The following STX18 variants were observed in gnomAD, a reference collection of about 807,000 sequenced individuals.
STX18 encodes the protein syntaxin 18.
Under a neutral mutation model 50.1 loss-of-function variants are expected in STX18, and 40 were observed. The observed-to-expected ratio is 0.80, with a 90% CI of 0.62 to 1.04. The LOEUF is 1.04. STX18 is among the 50% of genes least tolerant of loss of function. The pLI, the probability that STX18 is intolerant of heterozygous loss-of-function variation, is 0.00. For missense variants in STX18, 410 were observed against 415.8 expected, an observed-to-expected ratio of 0.99 and a Z score of 0.12; for synonymous variants, 158 against 151.8, an observed-to-expected ratio of 1.04 and a Z score of -0.30.
chr4:4,435,818 T>C (rs746096471), intron 6 of STX18, among the ~76,000 whole-genome samples: 6 of 152,278 alleles, frequency 3.9e-5, no homozygotes, highest in African/African-American at 1.4e-4. Context: ...GCATCCTCCA[T>C]TGAAGCATGT....
intron 1 of STX18, among the ~76,000 whole-genome samples, chr4:4,490,393 C>T (rs1016310219): frequency 4.6e-5 from 7 of 152,108 alleles, no homozygotes. Context: ...TGCCGATTTG[C>T]AATTATGAGG....
intron 7 of STX18, among the ~76,000 whole-genome samples, chr4:4,432,194 C>G (rs1725551914): frequency 6.6e-6 from 1 of 152,194 alleles, no homozygotes; most frequent in African/African-American, 2.4e-5. Flanking sequence ...TCAGGAAAGT[C>G]AGGGCTAATG....
chr4:4,484,703 G>A (rs1016499681), intron 1 of STX18, among the ~76,000 whole-genome samples: 10 of 152,086 alleles, frequency 6.6e-5, no homozygotes, highest in Non-Finnish European at 1.3e-4. Context: ...AACTACTGCC[G>A]TCTAAAAACA....
At chr4:4,457,622 G>C in intron 3 of STX18, 122 bp from the exon 4 acceptor site, 2 of 715,080 alleles carry the variant, frequency 2.8e-6, no homozygotes, top group Admixed American at 2.9e-5. Context: ...TATAAAACAA[G>C]TCTTGTGCCA....
At chr4:4,518,692 T>G (rs1231340074) in intron 1 of STX18, among the ~76,000 whole-genome samples, 1 of 152,202 alleles carries the variant, frequency 6.6e-6, no homozygotes, top group East Asian at 1.9e-4. Context: ...TTCTTTAATT[T>G]CATTTCCAAA....
At chr4:4,509,102 T>C (rs1560201058) in intron 1 of STX18, among the ~76,000 whole-genome samples, 1 of 152,210 alleles carries the variant, frequency 6.6e-6, no homozygotes, top group South Asian at 2.1e-4. Flanking sequence ...CTAGGTCAAA[T>C]GGTATTTCTG....
At chr4:4,439,776 T>C (rs1726011394) in intron 5 of STX18, among the ~76,000 whole-genome samples, 1 of 152,094 alleles carries the variant, frequency 6.6e-6, no homozygotes, top group South Asian at 2.1e-4. Context: ...GGCATTCCCC[T>C]GTTTCTTCCC....
chr4:4,541,968 G>A lies in STX18; in HGVS notation c.-4C>T, dbSNP rs749540078. 6.9e-6 allele frequency: 11 copies of A among 1,599,796 alleles called. No homozygotes were observed. The highest frequency in any genetic ancestry group is 1.3e-5 in the African/African-American group (1 of 74,374). On this transcript the variant is annotated 5_prime_UTR_variant, in exon 1 of 11. Coordinates refer to ENST00000306200, the MANE Select transcript of STX18 (RefSeq NM_016930.4). ...GCAGCGTGATGTCCACCGCCATAGC[G>A]ACCCGCACCCTCAGCCCCACACTAG...
At chr4:4,483,059 C>T (rs1465184565) in intron 1 of STX18, among the ~76,000 whole-genome samples, 1 of 152,088 alleles carries the variant, frequency 6.6e-6, no homozygotes, top group South Asian at 2.1e-4. Flanking sequence ...TTTTCTAGAT[C>T]CAACCTTCTT....
intron 2 of STX18, among the ~76,000 whole-genome samples, chr4:4,465,058 T>C (rs1242510889): frequency 1.3e-5 from 2 of 152,222 alleles, no homozygotes; most frequent in Admixed American, 6.5e-5. Flanking sequence ...CTTTTTGATG[T>C]GGGCATTTAG....
chr4:4,427,771 T>C (rs1459042063), intron 7 of STX18, among the ~76,000 whole-genome samples: 1 of 152,216 alleles, frequency 6.6e-6, no homozygotes, highest in African/African-American at 2.4e-5. Context: ...CTCTTCGTAA[T>C]TGTTAACTTC....
chr4:4,519,902 T>C (rs1427742248), intron 1 of STX18, among the ~76,000 whole-genome samples: 1 of 152,220 alleles, frequency 6.6e-6, no homozygotes, highest in East Asian at 1.9e-4. Flanking sequence ...TCAGGCATGA[T>C]ACTGAAATTA....
intron 3 of STX18, 62 bp from the exon 4 acceptor site, chr4:4,457,562 C>T: frequency 1.6e-6 from 2 of 1,239,710 alleles, no homozygotes; most frequent in Non-Finnish European, 2.3e-6. Context: ...AGCAATTCAT[C>T]AGCTTCCTCA....
intron 8 of STX18, among the ~76,000 whole-genome samples, chr4:4,424,865 G>C (rs1356977744): frequency 2.6e-5 from 4 of 152,136 alleles, no homozygotes; most frequent in Non-Finnish European, 5.9e-5. Flanking sequence ...GAAACAGCCC[G>C]AATGGTGGTG....
intron 9 of STX18, among the ~76,000 whole-genome samples, chr4:4,421,156 G>A (rs986491441): frequency 6.6e-6 from 1 of 152,116 alleles, no homozygotes; most frequent in Non-Finnish European, 1.5e-5. Flanking sequence ...GACAAGAACA[G>A]TAGCCGTCAC....
intron 1 of STX18, among the ~76,000 whole-genome samples, chr4:4,513,744 C>T (rs1227710935): frequency 6.6e-6 from 1 of 152,204 alleles, no homozygotes; most frequent in African/African-American, 2.4e-5. Flanking sequence ...ACTACCCCAG[C>T]ACTCAATCTT....
intron 1 of STX18, among the ~76,000 whole-genome samples, chr4:4,539,673 A>T (rs999132557): frequency 6.6e-6 from 1 of 152,224 alleles, no homozygotes; most frequent in Non-Finnish European, 1.5e-5. Context: ...CAACCCTGTG[A>T]CATATGCACA....
At position 4,471,666 on chromosome 4, in the gene STX18, T is replaced by A; in HGVS notation, c.209A>T (p.His70Leu). ...ATAAGCATTAATATAATCTTTCCTGTGTTCCAGAAGAAAATCTCTCAGTTT... is the reference window on the plus strand; with the variant it reads ...ATAAGCATTAATATAATCTTTCCTGAGTTCCAGAAGAAAATCTCTCAGTTT... ...IGKLRDFLLE[H>L]RKDYINAYSH... The change falls in exon 2 of 11, where the codon CAC (histidine) becomes CTC (leucine). Residue 70 changes from histidine (H) to leucine (L), a missense_variant. Coordinates refer to ENST00000306200, the MANE Select transcript of STX18 (RefSeq NM_016930.4). 1 of 1,584,376 alleles carries A rather than the reference T, an allele frequency of 6.3e-7. No homozygotes were observed. The highest frequency in any genetic ancestry group is 8.5e-7 in the Non-Finnish European group (1 of 1,172,402).
At chr4:4,511,153 C>T (rs973881200) in intron 1 of STX18, among the ~76,000 whole-genome samples, 3 of 152,138 alleles carry the variant, frequency 2.0e-5, no homozygotes, top group Admixed American at 2.0e-4. Context: ...CACATGTATC[C>T]TAGAACTTAA....
Sources: allele counts gnomAD v4.1 joint callset (sites outside exome capture counted in the v4.1 genomes callset), GRCh38; gene constraint gnomAD v4.1.1; transcripts MANE v1.5; gene names NCBI Gene and HGNC (gene_info 2026-07-23, HGNC 2026-07-21).